Variants in KANSL1 observed in about 807,000 individuals in gnomAD.
KANSL1 encodes MLL1/MLL complex subunit KANSL1.
In KANSL1, 22 loss-of-function variants were observed where a neutral mutation model predicts 103.6. The observed-to-expected ratio is 0.21, with a 90% CI of 0.15 to 0.30. The LOEUF is 0.30. Ranked by LOEUF, KANSL1 falls within the 10% of genes least tolerant of loss-of-function variation. The pLI is 1.00. For missense variants in KANSL1, 1,337 were observed against 1,399.8 expected (o/e 0.96, Z 0.72); for synonymous variants, 600 against 527.6 (o/e 1.14, Z -1.88).
chr17:46,095,787 AT>A (rs1265280977), intron 2 of KANSL1, among the ~76,000 whole-genome samples: 1 of 152,254 alleles, frequency 6.6e-6, no homozygotes, highest in Non-Finnish European at 1.5e-5. Context: ...ATAACTGACG[AT>A]TAAACATCAG....
intron 10 of KANSL1, 145 bp from the exon 11 acceptor site, chr17:46,034,430 AC>A (rs1598446151): frequency 1.3e-6 from 1 of 785,874 alleles, no homozygotes; most frequent in Non-Finnish European, 2.0e-6. Flanking sequence ...AGCTGCTCCC[AC>A]CTAGGAGTCA....
In KANSL1 at chr17:46,179,513, C is replaced by T. The variant is rs1193880508; in HGVS notation, c.-89-7281G>A. Reference sequence around the variant, plus strand: ...ATCAGATGGGGAAGAAAAGTTTGCCCATAATGTGGCTTCTACTAACCTCTT... The same window carrying T: ...ATCAGATGGGGAAGAAAAGTTTGCCTATAATGTGGCTTCTACTAACCTCTT... On this transcript the variant is annotated intron_variant, in intron 1 of 14. Transcript: ENST00000432791. Among the ~76,000 whole-genome samples, 6 of 152,290 alleles carry T rather than the reference C, an allele frequency of 3.9e-5. No individual in the cohort carries two copies. In the East Asian group the frequency reaches 1.2e-3, roughly 29 times the overall value.
At chr17:46,195,553 T>C (rs1197197918), upstream of KANSL1, among the ~76,000 whole-genome samples, 1 of 152,242 alleles carries the variant, frequency 6.6e-6, no homozygotes, top group Non-Finnish European at 1.5e-5. Context: ...ATCTTTCTTA[T>C]TAGGCATCCA....
chr17:46,075,386 G>GA (rs1483578908), intron 4 of KANSL1, among the ~76,000 whole-genome samples: 1 of 152,124 alleles, frequency 6.6e-6, no homozygotes, highest in Non-Finnish European at 1.5e-5. Context: ...GACCAGGCTG[G>GA]AATGCAGTGG....
chr17:46,184,112 CTAA>C (rs1331237084), intron 1 of KANSL1, among the ~76,000 whole-genome samples: 1 of 152,210 alleles, frequency 6.6e-6, no homozygotes, highest in African/African-American at 2.4e-5. Flanking sequence ...TAAACATCTA[CTAA>C]ATGCCAGATA....
At chr17:46,110,492 C>T (rs1287754795) in intron 2 of KANSL1, among the ~76,000 whole-genome samples, 1 of 152,126 alleles carries the variant, frequency 6.6e-6, no homozygotes, top group Non-Finnish European at 1.5e-5. Context: ...AAGGTCACAC[C>T]ACTAACAAGC....
intron 6 of KANSL1, among the ~76,000 whole-genome samples, chr17:46,053,299 A>G (rs1047198205): frequency 6.6e-6 from 1 of 152,196 alleles, no homozygotes; most frequent in Non-Finnish European, 1.5e-5. Context: ...AAATTTAAAA[A>G]TTTAAAAAAA....
intron 1 of KANSL1, among the ~76,000 whole-genome samples, chr17:46,188,240 T>C (rs2047123773): frequency 6.6e-6 from 1 of 152,232 alleles, no homozygotes; most frequent in Non-Finnish European, 1.5e-5. Flanking sequence ...AGTGGATATT[T>C]GTCTTTTCTA....
intron 2 of KANSL1, among the ~76,000 whole-genome samples, chr17:46,134,420 A>G (rs1277946622): frequency 2.0e-5 from 3 of 152,094 alleles, no homozygotes; most frequent in African/African-American, 4.8e-5. Context: ...ATAAATAAAA[A>G]TAAACACATT....
At chr17:46,219,749 A>T (rs1050727520) in intron 1 of KANSL1, among the ~76,000 whole-genome samples, 2 of 152,282 alleles carry the variant, frequency 1.3e-5, no homozygotes, top group African/African-American at 4.8e-5. Context: ...AGATCCCAAG[A>T]GAACACATGT....
intron 3 of KANSL1, among the ~76,000 whole-genome samples, chr17:46,089,523 ACAGCCTATCACCAAGATT>A (rs1459512790): frequency 1.3e-5 from 2 of 151,602 alleles, no homozygotes; most frequent in Non-Finnish European, 2.9e-5. Flanking sequence ...TTATAACTCA[ACAGCCTATCACCAAGATT>A]CAGCCTATCA....
chr17:46,111,841 G>A (rs1354033276), intron 2 of KANSL1, among the ~76,000 whole-genome samples: 2 of 152,144 alleles, frequency 1.3e-5, no homozygotes, highest in Non-Finnish European at 2.9e-5. Context: ...TCACTGCATT[G>A]GGAGGCATTC....
chr17:46,194,506 A>AGCTCT (rs2047537731), upstream of KANSL1, among the ~76,000 whole-genome samples: 1 of 152,254 alleles, frequency 6.6e-6, no homozygotes, highest in Non-Finnish European at 1.5e-5. Context: ...TCCTAGACTT[A>AGCTCT]AAGAATTCAT....
chr17:46,141,623 G>T (rs908095853), intron 2 of KANSL1, among the ~76,000 whole-genome samples: 1 of 152,110 alleles, frequency 6.6e-6, no homozygotes, highest in African/African-American at 2.4e-5. Context: ...GAATTAAAAA[G>T]AACAAAATGC....
At chr17:46,081,300 T>C (rs921548710) in intron 4 of KANSL1, among the ~76,000 whole-genome samples, 1 of 152,226 alleles carries the variant, frequency 6.6e-6, no homozygotes. Context: ...CCTGTACCCA[T>C]ACCACCAATG....
intron 2 of KANSL1, among the ~76,000 whole-genome samples, chr17:46,166,232 C>T (rs1428146507): frequency 2.3e-5 from 3 of 130,962 alleles, no homozygotes; most frequent in Non-Finnish European, 3.5e-5. Context: ...AAAAAAAGGG[C>T]TGGGCACAGT....
chr17:46,127,866 T>C lies in KANSL1; in HGVS notation c.1290-33165A>G, dbSNP rs531374208. Among the ~76,000 whole-genome samples, 3 of 152,334 alleles carry C rather than the reference T, an allele frequency of 2.0e-5. No homozygotes were observed. In the South Asian group the frequency reaches 6.2e-4, roughly 32 times the overall value. On this transcript the variant is annotated intron_variant, in intron 2 of 14. Coordinates refer to ENST00000432791, the MANE Select transcript of KANSL1 (RefSeq NM_015443.4). The stretch of plus-strand genomic sequence containing the variant: ...GTGATAAAGCATTTCCTACACCAGT[T>C]ACCAGTGGCAGCACCTAATAAGACT...
At chr17:46,136,635 C>A (rs2044157549) in intron 2 of KANSL1, among the ~76,000 whole-genome samples, 2 of 152,202 alleles carry the variant, frequency 1.3e-5, no homozygotes, top group African/African-American at 4.8e-5. Context: ...TCTCGTCACC[C>A]ACCCCACCTA....
intron 2 of KANSL1, among the ~76,000 whole-genome samples, chr17:46,098,087 G>A (rs1375520528): frequency 6.7e-6 from 1 of 149,724 alleles, no homozygotes; most frequent in Non-Finnish European, 1.5e-5. Context: ...GTTGGCTGCA[G>A]GTCTAGCTCT....
Sources: gnomAD v4.1 joint callset for allele counts (sites outside exome capture counted in the v4.1 genomes callset) on GRCh38, gnomAD v4.1.1 for gene constraint, MANE v1.5 for transcripts, NCBI Gene and HGNC (gene_info 2026-07-23, HGNC 2026-07-21) for gene names.